Variants in TAFA2 observed in about 807,000 individuals in gnomAD.
The protein encoded by TAFA2 is TAFA chemokine like family member 2.
A neutral mutation model predicts 18.8 loss-of-function variants in TAFA2; 7 were observed. The observed-to-expected ratio is 0.37, with a 90% CI of 0.21 to 0.70. The LOEUF is 0.70. Ranked by LOEUF, TAFA2 falls within the 30% of genes least tolerant of loss-of-function variation. The pLI is 0.53. For missense variants in TAFA2, 122 were observed against 158.1 expected (o/e 0.77, Z 1.23); for synonymous variants, 60 against 54.2 (o/e 1.11, Z -0.47).
chr12:62,098,036 T>G lies in TAFA2; in HGVS notation c.-2+93223A>C, dbSNP rs142318346. 2.4e-3 allele frequency among the ~76,000 whole-genome samples: 368 copies of G among 152,280 alleles called. 1 individual carries two copies. Among genetic ancestry groups the G allele is most frequent in the African/African-American group, 8.3e-3 (345 of 41,548 alleles). ...TATATATAACTTTAATATATACTTATCAGCAAGAATTTCCCATTTTGGAAG... is the reference window on the plus strand; with the variant it reads ...TATATATAACTTTAATATATACTTAGCAGCAAGAATTTCCCATTTTGGAAG... On this transcript the variant is annotated intron_variant, in intron 1 of 4. Transcript: ENST00000416284.
chr12:62,043,543 A>T (rs180859196), intron 1 of TAFA2, among the ~76,000 whole-genome samples: 1 of 152,270 alleles, frequency 6.6e-6, no homozygotes, highest in East Asian at 1.9e-4. Context: ...CAGCACACCA[A>T]CATGGCACAT....
chr12:61,779,650 A>T (rs554637482), intron 2 of TAFA2, among the ~76,000 whole-genome samples: 2 of 152,000 alleles, frequency 1.3e-5, no homozygotes, highest in East Asian at 3.9e-4. Flanking sequence ...GTGGGGATAA[A>T]TCATAGAAAA....
intron 1 of TAFA2, among the ~76,000 whole-genome samples, chr12:62,040,522 C>T (rs1222329418): frequency 6.6e-6 from 1 of 151,988 alleles, no homozygotes; most frequent in Non-Finnish European, 1.5e-5. Flanking sequence ...AGGAAGAAGA[C>T]AGTCACGCAA....
chr12:61,826,652 C>T (rs1872545787), intron 2 of TAFA2, among the ~76,000 whole-genome samples: 1 of 151,920 alleles, frequency 6.6e-6, no homozygotes, highest in South Asian at 2.1e-4. Context: ...ACCAGAGTAT[C>T]TCACCTTAAA....
At position 62,168,945 on chromosome 12, in the gene TAFA2, T is replaced by TAAAC. The variant is rs1555195551; in HGVS notation, c.-2+22313_-2+22314insGTTT. ...CACTCTCTCATTCTCACTCACTCTC[T>TAAAC]ACACACACACACACACACACACACA... On this transcript the variant is annotated intron_variant, in intron 1 of 4. Coordinates refer to ENST00000416284, the MANE Select transcript of TAFA2 (RefSeq NM_178539.5). Among the ~76,000 whole-genome samples the TAAAC allele has an allele frequency of 2.7e-5, 4 of 148,940 alleles. No homozygotes were observed. In the South Asian group the frequency reaches 6.4e-4, roughly 24 times the overall value.
At chr12:61,713,564 G>A (rs1318322539) in intron 4 of TAFA2, among the ~76,000 whole-genome samples, 1 of 152,022 alleles carries the variant, frequency 6.6e-6, no homozygotes, top group African/African-American at 2.4e-5. Context: ...CACCCTCCCT[G>A]ACAACCTCAG....
At chr12:62,053,030 T>G (rs1882096741) in intron 1 of TAFA2, among the ~76,000 whole-genome samples, 1 of 152,216 alleles carries the variant, frequency 6.6e-6, no homozygotes, top group African/African-American at 2.4e-5. Context: ...CAGAAATTTC[T>G]GAATGGAGCT....
At chr12:61,873,990 G>A (rs144210893) in intron 1 of TAFA2, among the ~76,000 whole-genome samples, 2 of 152,194 alleles carry the variant, frequency 1.3e-5, no homozygotes, top group Non-Finnish European at 2.9e-5. Context: ...TGTATGTTGT[G>A]TGTTATATCA....
intron 1 of TAFA2, among the ~76,000 whole-genome samples, chr12:61,984,405 C>G (rs1246968481): frequency 6.6e-6 from 1 of 152,222 alleles, no homozygotes; most frequent in Non-Finnish European, 1.5e-5. Flanking sequence ...CCCTGCCATG[C>G]TGAACACTGT....
intron 1 of TAFA2, among the ~76,000 whole-genome samples, chr12:62,005,800 C>T (rs7955714): frequency 0.28 from 42,654 of 151,888 alleles, 6,366 homozygotes; most frequent in Non-Finnish European, 0.33. Flanking sequence ...AGTTCATTTG[C>T]CCTAAGTTGC....
At chr12:61,833,030 T>A (rs897172170) in intron 2 of TAFA2, among the ~76,000 whole-genome samples, 1 of 147,214 alleles carries the variant, frequency 6.8e-6, no homozygotes, top group South Asian at 2.1e-4. Context: ...ATATAATATA[T>A]AAATTTATAA....
chr12:61,878,192 G>T (rs1021862113), intron 1 of TAFA2: 92 of 433,600 alleles, frequency 2.1e-4, no homozygotes, highest in Admixed American at 1.0e-3. Context: ...TGGAGTTTTT[G>T]TACAGGATGA....
chr12:61,901,814 T>C (rs1448148238), intron 1 of TAFA2, among the ~76,000 whole-genome samples: 2 of 152,188 alleles, frequency 1.3e-5, no homozygotes, highest in African/African-American at 2.4e-5. Flanking sequence ...AGTTACTGGT[T>C]ATTACAATAC....
chr12:61,751,130 G>A (rs75033897), intron 4 of TAFA2, among the ~76,000 whole-genome samples: 3,922 of 152,124 alleles, frequency 0.026, 162 homozygotes, highest in African/African-American at 0.09. Flanking sequence ...CACTTCCACT[G>A]TGGGCAAAGT....
intron 1 of TAFA2, chr12:62,252,498 A>G (rs1592421230): frequency 6.6e-6 from 1 of 152,234 alleles, no homozygotes; most frequent in African/African-American, 2.4e-5. Context: ...GGAGATGAGT[A>G]GCACAAAATC....
chr12:62,096,250 G>C (rs559662734), intron 1 of TAFA2, among the ~76,000 whole-genome samples: 30 of 152,174 alleles, frequency 2.0e-4, no homozygotes, highest in African/African-American at 6.5e-4. Context: ...TGCTTAGATT[G>C]TGAGGTACTC....
chr12:61,869,538 A>C (rs925336563), intron 1 of TAFA2, among the ~76,000 whole-genome samples: 2 of 152,174 alleles, frequency 1.3e-5, no homozygotes, highest in Admixed American at 6.5e-5. Flanking sequence ...TATATTTGTA[A>C]CATTGTGAGT....
At chr12:62,235,589 C>T (rs897964731) in intron 1 of TAFA2, 4 of 302,146 alleles carry the variant, frequency 1.3e-5, no homozygotes, top group South Asian at 1.3e-4. Context: ...AGGTGGTTAT[C>T]GGGACATTGC....
intron 4 of TAFA2, among the ~76,000 whole-genome samples, chr12:61,736,747 T>C (rs1208295646): frequency 6.6e-6 from 1 of 152,000 alleles, no homozygotes; most frequent in Non-Finnish European, 1.5e-5. Context: ...ATTCTTATAA[T>C]GGAAATTTAC....
Sources: allele counts gnomAD v4.1 joint callset (sites outside exome capture counted in the v4.1 genomes callset), GRCh38; gene constraint gnomAD v4.1.1; transcripts MANE v1.5; gene names NCBI Gene and HGNC (gene_info 2026-07-23, HGNC 2026-07-21).